The following NLRC5 variants were observed in gnomAD, a reference collection of about 807,000 sequenced individuals.
NLRC5 encodes protein NLRC5.
NLRC5 carries 114 observed loss-of-function variants against 206.9 expected under a neutral mutation model. The observed-to-expected ratio is 0.55, with a 90% CI of 0.47 to 0.64. The LOEUF is 0.64. Among genes scored for constraint, NLRC5 ranks in the 30% least tolerant of loss-of-function variants. NLRC5 has a pLI of 0.00. For missense variants in NLRC5, 2,008 were observed against 2,305.5 expected (o/e 0.87, Z 2.64); for synonymous variants, 952 against 962.8 (o/e 0.99, Z 0.21).
chr16:57,045,514 T>G (rs760124484), intron 21 of NLRC5, 22 bp downstream of exon 21: 192 of 1,610,914 alleles, frequency 1.2e-4, no homozygotes, highest in Non-Finnish European at 1.4e-4. Context: ...ACGCTCGGGG[T>G]GGGGGAGTCC....
intron 23 of NLRC5, chr16:57,048,384 C>G (rs1050902256): frequency 2.4e-4 from 37 of 152,194 alleles, no homozygotes; most frequent in African/African-American, 8.5e-4. Flanking sequence ...TTCCATTTTG[C>G]TTCAGTCTTT....
chr16:57,067,725 G>C lies in NLRC5; in HGVS notation c.4407-11G>C. 6.2e-7 allele frequency: 1 copy of C among 1,612,932 alleles called. No homozygotes were observed. Among genetic ancestry groups the C allele is most frequent in the Non-Finnish European group, 8.5e-7 (1 of 1,178,910 alleles). ...CCTGAAATCCTCTAGAATATCCTTG[G>C]ACCTTTTCAGCTTGTCTCAGGTTAA... On this transcript the variant is annotated splice_polypyrimidine_tract_variant and intron_variant, in intron 35 of 48. Coordinates refer to ENST00000688547, the MANE Select transcript of NLRC5 (RefSeq NM_001384950.1).
chr16:57,066,225 C>T (rs1331572229), intron 33 of NLRC5, among the ~76,000 whole-genome samples: 1 of 151,996 alleles, frequency 6.6e-6, no homozygotes, highest in Non-Finnish European at 1.5e-5. Context: ...TCACTGAAGC[C>T]CAGAGTTCAA....
At chr16:57,062,394 T>G (rs1421837790) in intron 32 of NLRC5, 2 of 327,874 alleles carry the variant, frequency 6.1e-6, no homozygotes, top group Non-Finnish European at 1.2e-5. Context: ...TCACATCTGG[T>G]CTGCATTTGC....
At chr16:56,998,816 C>T (rs1429643312) in intron 1 of NLRC5, among the ~76,000 whole-genome samples, 2 of 152,212 alleles carry the variant, frequency 1.3e-5, no homozygotes, top group Non-Finnish European at 2.9e-5. Context: ...AGTCCCTTTC[C>T]TGTACATAAT....
chr16:57,043,474 G>T, intron 19 of NLRC5, 41 bp from the exon 20 acceptor site: 1 of 1,484,114 alleles, frequency 6.7e-7, no homozygotes, highest in South Asian at 1.1e-5. Context: ...ATGTGTTTGG[G>T]TCCTGAGTGA....
chr16:57,025,329 G>T, intron 5 of NLRC5, 39 bp from the exon 6 acceptor site: 3 of 1,507,266 alleles, frequency 2.0e-6, no homozygotes, highest in Admixed American at 2.3e-5. Flanking sequence ...CAGAGGGCCG[G>T]GGGGTCCTCT....
intron 33 of NLRC5, among the ~76,000 whole-genome samples, chr16:57,065,636 C>T (rs1457058556): frequency 2.0e-5 from 3 of 152,324 alleles, no homozygotes; most frequent in African/African-American, 7.2e-5. Context: ...AGAAATAACA[C>T]AATGACACAC....
chr16:57,055,406 C>A, intron 26 of NLRC5, 27 bp from the exon 27 acceptor site: 3 of 1,610,396 alleles, frequency 1.9e-6, no homozygotes, highest in South Asian at 1.1e-5. Flanking sequence ...GCCCCATCCC[C>A]TGCTTGTCCC....
rs552286396 is a variant in NLRC5, at chr16:57,078,073, G to A, written c.5081+53G>A. ...AGGGCTGGTGGGGAGGAGGGTCCTCGGGAGCAGTGGGGGGGTCCAGGCCCC... is the reference window on the plus strand; with the variant it reads ...AGGGCTGGTGGGGAGGAGGGTCCTCAGGAGCAGTGGGGGGGTCCAGGCCCC... On this transcript the variant is annotated intron_variant, in intron 43 of 48. Coordinates refer to ENST00000688547, the MANE Select transcript of NLRC5 (RefSeq NM_001384950.1). 5.6e-6 allele frequency: 8 copies of A among 1,420,858 alleles called. No individual in the cohort carries two copies. In the South Asian group the frequency reaches 6.7e-5, roughly 12 times the overall value. The allele number at this position is 1,420,858 out of a possible 1,614,324, so 88.0% of individuals were successfully genotyped here.
chr16:57,045,887 G>A (rs191179952), intron 21 of NLRC5, among the ~76,000 whole-genome samples: 6 of 152,254 alleles, frequency 3.9e-5, no homozygotes, highest in East Asian at 1.9e-4. Context: ...GGCAGGGGCC[G>A]TGGGTGCTCT....
intron 3 of NLRC5, 146 bp from the exon 4 acceptor site, chr16:57,022,110 A>T: frequency 1.7e-6 from 1 of 604,880 alleles, no homozygotes. Flanking sequence ...CATTTTCTCC[A>T]CAACAGATAA....
intron 1 of NLRC5, among the ~76,000 whole-genome samples, chr16:57,002,293 A>T (rs2058348013): frequency 6.6e-6 from 1 of 152,152 alleles, no homozygotes; most frequent in Middle Eastern, 3.4e-3. Context: ...GATTACAGGC[A>T]TGCCCCACCA....
At chr16:57,011,843 A>T (rs1151265) in intron 1 of NLRC5, among the ~76,000 whole-genome samples, 1 of 152,092 alleles carries the variant, frequency 6.6e-6, no homozygotes. Flanking sequence ...GGCAATAAAG[A>T]ATACATTATT....
Position 57,026,569 on chromosome 16 carries a change from C to T in NLRC5, c.1626C>T (p.Thr542=). The change falls in exon 6 of 49, where the codon ACC becomes ACT. Residue 542 remains threonine, a synonymous_variant. Coordinates refer to ENST00000688547, the MANE Select transcript of NLRC5 (RefSeq NM_001384950.1). ...AAGACACACTTACCCAGTATGTTAC[C>T]CTCCATTCCCGCTGGGTACAGCGGA... The part of the protein sequence containing the change: ...VNKDTLTQYV[T]LHSRWVQRTK... The T allele has an allele frequency of 2.5e-6, 4 of 1,614,200 alleles. No individual in the cohort carries two copies. Among genetic ancestry groups the T allele is most frequent in the Non-Finnish European group, 3.4e-6 (4 of 1,180,038 alleles).
Position 57,041,341 on chromosome 16 carries a change from C to A in NLRC5, c.2940-144C>A, listed in dbSNP as rs158481. On this transcript the variant is annotated intron_variant, in intron 17 of 48. Coordinates refer to ENST00000688547, the MANE Select transcript of NLRC5 (RefSeq NM_001384950.1). ...TCGTGTGTGTTGGTCCCTCTTTGTC[C>A]GTCTGTCTAGGTGCCAGATACATCC... 163,649 of 628,882 alleles carry A rather than the reference C, an allele frequency of 0.26. 23,463 individuals carry two copies. Among genetic ancestry groups the A allele is most frequent in the Non-Finnish European group, 0.3 (106,281 of 356,830 alleles). 39.0% of individuals were successfully genotyped at this position (628,882 alleles called of 1,614,324 possible). A position where few individuals can be genotyped will look rare whatever the true frequency, so the allele number is the denominator to read the frequency against.
intron 1 of NLRC5, among the ~76,000 whole-genome samples, chr16:56,998,194 CTTTTT>C (rs201515449): frequency 4.4e-5 from 6 of 137,736 alleles, no homozygotes; most frequent in African/African-American, 1.3e-4. Context: ...TCACTGATGT[CTTTTT>C]TTTTTTTTTT....
chr16:57,056,550 T>G (rs1249508450), intron 27 of NLRC5, among the ~76,000 whole-genome samples: 1 of 152,198 alleles, frequency 6.6e-6, no homozygotes, highest in Non-Finnish European at 1.5e-5. Flanking sequence ...CCCAGGTTGC[T>G]GAGATTACAG....
At position 57,055,417 on chromosome 16, in the gene NLRC5, C is replaced by G. The variant is rs371823243; in HGVS notation, c.3660-16C>G. 6.2e-7 allele frequency: 1 copy of G among 1,612,908 alleles called. No individual in the cohort carries two copies. The highest frequency in any genetic ancestry group is 1.1e-5 in the South Asian group (1 of 90,890). On this transcript the variant is annotated splice_polypyrimidine_tract_variant and intron_variant, in intron 26 of 48. Coordinates refer to ENST00000688547, the MANE Select transcript of NLRC5 (RefSeq NM_001384950.1). ...AAACGCCCCATCCCCTGCTTGTCCC[C>G]TTTACCTCCGTCCAGCAGGTTCACA...
Sources: allele counts gnomAD v4.1 joint callset (sites outside exome capture counted in the v4.1 genomes callset), GRCh38; gene constraint gnomAD v4.1.1; transcripts MANE v1.5; gene names NCBI Gene and HGNC (gene_info 2026-07-23, HGNC 2026-07-21).